CLEC11A: variants seen among roughly 807,000 people sequenced by gnomAD.
The protein encoded by CLEC11A is C-type lectin domain containing 11A, also known as C-type lectin domain family 11 member A.
In CLEC11A, 35 loss-of-function variants were observed where a neutral mutation model predicts 33.9. The observed-to-expected ratio is 1.03, with a 90% confidence interval of 0.79 to 1.37. CLEC11A has a LOEUF of 1.37. Ranked by LOEUF, CLEC11A falls within the 40% of genes most tolerant of loss-of-function variation. The probability of loss-of-function intolerance (pLI) is 0.00; values close to 1 mark genes in which losing one functional copy is unlikely to be tolerated. For synonymous variants in CLEC11A, 220 were observed against 202.2 expected (o/e 1.09, Z -0.75); for missense variants, 519 against 455.5 (o/e 1.14, Z -1.27).
Position 50,725,673 on chromosome 19 carries a change from C to A in CLEC11A, c.*206C>A. 1.1e-6 allele frequency: 1 copy of A among 922,468 alleles called. No homozygotes were observed. The highest frequency in any genetic ancestry group is 1.6e-6 in the Non-Finnish European group (1 of 636,048). 57.1% of individuals were successfully genotyped at this position (922,468 alleles called of 1,614,324 possible). On this transcript the variant is annotated 3_prime_UTR_variant, in exon 4 of 4. Transcript: ENST00000250340. Reference sequence around the variant, plus strand: ...TTTCCTTGAAGGGGCGGGCACCAGGCTAGGTCCGGTGCCAATAAATCCTTG... The same window carrying A: ...TTTCCTTGAAGGGGCGGGCACCAGGATAGGTCCGGTGCCAATAAATCCTTG...
rs1346138610 is a variant in CLEC11A at position 50,723,663 on chromosome 19, G to C, written c.138G>C (p.Leu46=). Residue 46 remains leucine (L), a synonymous_variant, in exon 1 of 4, where the codon CTG becomes CTC. Coordinates refer to ENST00000250340, the MANE Select transcript of CLEC11A (RefSeq NM_002975.3). The surrounding 1 kb of genome is among the most constrained non-coding windows in gnomAD (Gnocchi z 4.1). Reference sequence around the variant, plus strand: ...AGGAGGAGCGGGAGAGGGAGGCCCTGATGCTGAAGGTGAGCTCTGGAGTGT... The same window carrying C: ...AGGAGGAGCGGGAGAGGGAGGCCCTCATGCTGAAGGTGAGCTCTGGAGTGT... The part of the protein sequence containing the change: ...AQEEEREREA[L]MLKHLQEALG... 1 of 1,585,974 alleles carries C rather than the reference G, an allele frequency of 6.3e-7. No homozygotes were observed. Among genetic ancestry groups the C allele is most frequent in the African/African-American group, 1.3e-5 (1 of 74,274 alleles).
In CLEC11A at chr19:50,725,584, G is replaced by A. The variant is rs867985371; in HGVS notation, c.*117G>A. On this transcript the variant is annotated 3_prime_UTR_variant, in exon 4 of 4. Transcript: ENST00000250340. ...GGCCACGAATGGCAGCGTCCTCCCC[G>A]ACCCCCAGTCTGGGCGCTTCTGGGA... 2.9e-5 allele frequency: 42 copies of A among 1,443,524 alleles called. No individual in the cohort carries two copies. The Middle Eastern group carries it at 5.5e-4, about 19-fold the overall frequency. 89.4% of individuals were successfully genotyped at this position (1,443,524 alleles called of 1,614,324 possible).
chr19:50,723,406 GGGAA>G lies in CLEC11A; in HGVS notation c.-119_-116del. 2 of 985,048 alleles carry G rather than the reference GGGAA, an allele frequency of 2.0e-6. No homozygotes were observed. Among genetic ancestry groups the G allele is most frequent in the Admixed American group, 2.0e-5 (1 of 48,902 alleles). The allele number at this position is 985,048 out of a possible 1,614,324, so 61.0% of individuals were successfully genotyped here. The stretch of plus-strand genomic sequence containing the variant: ...CAGGAAGAGAGAAGCTGGGAGAATC[GGGAA>G]CCTGGGGGCTAGTGACCTGCACACA... On this transcript the variant is annotated 5_prime_UTR_variant, in exon 1 of 4. Coordinates refer to ENST00000250340, the MANE Select transcript of CLEC11A (RefSeq NM_002975.3). This position sits in a 1 kb window ranked among gnomAD's most constrained non-coding sequence, Gnocchi z 4.1.
Position 50,723,565 on chromosome 19 carries a change from C to G in CLEC11A, c.40C>G (p.Gln14Glu), listed in dbSNP as rs370035526. The G allele has an allele frequency of 1.8e-5, 29 of 1,612,342 alleles. 1 individual carries two copies. In the South Asian group the frequency reaches 3.1e-4, roughly 17 times the overall value. The change falls in exon 1 of 4, where the codon CAG becomes GAG. Residue 14 changes from glutamine (Q) to glutamate (E), a missense_variant. Physicochemically the swap from Gln to Glu is conservative, Grantham distance 29. Coordinates refer to ENST00000250340, the MANE Select transcript of CLEC11A (RefSeq NM_002975.3). The surrounding 1 kb of genome is among the most constrained non-coding windows in gnomAD (Gnocchi z 4.1). Reference sequence around the variant, plus strand: ...GCTTTTGGGGGCTTTGGTGGTCCCCCAGCTCTTGGGCTTTGGCCATGGGGC... The same window carrying G: ...GCTTTTGGGGGCTTTGGTGGTCCCCGAGCTCTTGGGCTTTGGCCATGGGGC... ...AWLLGALVVP[Q>E]LLGFGHGARG...
rs764470824 is a variant in CLEC11A, at chr19:50,725,125, C to T, written c.630C>T (p.Ser210=). 1.4e-5 allele frequency: 22 copies of T among 1,543,968 alleles called. No individual in the cohort carries two copies. Among genetic ancestry groups the T allele is most frequent in the Non-Finnish European group, 1.8e-5 (21 of 1,145,750 alleles). ...CGCGGTGCACGGCGCGGGGCGGGAG[C>T]CTGGCGCAGCCGGCAGACCGCCAGC... ...AQARCTARGG[S]LAQPADRQQM... Residue 210 remains serine, a synonymous_variant, in exon 4 of 4, where the codon AGC becomes AGT. Transcript: ENST00000250340.
At position 50,724,687 on chromosome 19, in the gene CLEC11A, G is replaced by A. The variant is rs1325363811; in HGVS notation, c.526+86G>A. 6 of 1,307,454 alleles carry A rather than the reference G, an allele frequency of 4.6e-6. No individual in the cohort carries two copies. Among genetic ancestry groups the A allele is most frequent in the East Asian group, 2.9e-5 (1 of 34,098 alleles). 81.0% of individuals were successfully genotyped at this position (1,307,454 alleles called of 1,614,324 possible). A position where few individuals can be genotyped will look rare whatever the true frequency, so the allele number is the denominator to read the frequency against. On this transcript the variant is annotated intron_variant, in intron 3 of 3. Transcript: ENST00000250340. The surrounding 1 kb of genome is among the most constrained non-coding windows in gnomAD (Gnocchi z 4.1). ...GTTGAGAAGGTGACCCTAGGTGTCC[G>A]GGGCGGGAGAGTTCGGGAGAGCTGC...
chr19:50,725,615 C>T lies in CLEC11A; in HGVS notation c.*148C>T, dbSNP rs1268008927. ...CAGTCTGGGCGCTTCTGGGAGGGCTCTTGCGGTGCCGGCACTCCTCCTTGT... is the reference window on the plus strand; with the variant it reads ...CAGTCTGGGCGCTTCTGGGAGGGCTTTTGCGGTGCCGGCACTCCTCCTTGT... On this transcript the variant is annotated 3_prime_UTR_variant, in exon 4 of 4. Transcript: ENST00000250340. 19 of 1,367,076 alleles carry T rather than the reference C, an allele frequency of 1.4e-5. No homozygotes were observed. The highest frequency in any genetic ancestry group is 1.7e-5 in the Non-Finnish European group (18 of 1,032,178). 84.7% of individuals were successfully genotyped at this position (1,367,076 alleles called of 1,614,324 possible).
chr19:50,725,516 C>A lies in CLEC11A; in HGVS notation c.*49C>A. ...GCCCATCCCACCACCCGGCCTTTCC[C>A]TGCGCCGTGCCCACCCTCCTCCGGA... On this transcript the variant is annotated 3_prime_UTR_variant, in exon 4 of 4. Coordinates refer to ENST00000250340, the MANE Select transcript of CLEC11A (RefSeq NM_002975.3). The A allele has an allele frequency of 6.7e-7, 1 of 1,492,712 alleles. No individual in the cohort carries two copies. The highest frequency in any genetic ancestry group is 9.0e-7 in the Non-Finnish European group (1 of 1,116,820). 92.5% of individuals were successfully genotyped at this position (1,492,712 alleles called of 1,614,324 possible).
rs114190815 is a variant in CLEC11A at position 50,724,720 on chromosome 19, T to C, written c.526+119T>C. 170,536 of 1,209,060 alleles carry C rather than the reference T, an allele frequency of 0.14. 13,341 individuals are homozygous for C. Among genetic ancestry groups the C allele is most frequent in the Middle Eastern group, 0.17 (602 of 3,442 alleles). The allele number at this position is 1,209,060 out of a possible 1,614,324, so 74.9% of individuals were successfully genotyped here. A position where few individuals can be genotyped will look rare whatever the true frequency, so the allele number is the denominator to read the frequency against. On this transcript the variant is annotated intron_variant, in intron 3 of 3. Coordinates refer to ENST00000250340, the MANE Select transcript of CLEC11A (RefSeq NM_002975.3). This position sits in a 1 kb window ranked among gnomAD's most constrained non-coding sequence, Gnocchi z 4.1. ...AGAGTTCGGGAGAGCTGCTGTGTGC[T>C]AGCGGACGGGGTTAGAGAGCTGGGA...
chr19:50,725,198 A>G lies in CLEC11A; in HGVS notation c.703A>G (p.Asn235Asp), dbSNP rs1435484193. 6.3e-7 allele frequency: 1 copy of G among 1,591,912 alleles called. No homozygotes were observed. Among genetic ancestry groups the G allele is most frequent in the Non-Finnish European group, 8.5e-7 (1 of 1,170,318 alleles). ...RYLRAALAPY[N>D]WPVWLGVHDR... Reference sequence around the variant, plus strand: ...CCTGCGCGCGGCGCTCGCTCCCTACAACTGGCCCGTGTGGCTGGGCGTGCA... The same window carrying G: ...CCTGCGCGCGGCGCTCGCTCCCTACGACTGGCCCGTGTGGCTGGGCGTGCA... Residue 235 changes from asparagine to aspartate, a missense_variant, in exon 4 of 4, where the codon AAC (asparagine) becomes GAC (aspartate). Asn to Asp is a conservative substitution (Grantham distance 23). Transcript: ENST00000250340.
In CLEC11A at chr19:50,723,461, G is replaced by T; in HGVS notation, c.-65G>T. 1 of 1,592,504 alleles carries T rather than the reference G, an allele frequency of 6.3e-7. No individual in the cohort carries two copies. ...GGGCAGGGGCACTCGGCAGTTCCCA[G>T]AGGCCACCCCTCCCACCCCAGACAT... On this transcript the variant is annotated 5_prime_UTR_variant, in exon 1 of 4. Transcript: ENST00000250340. This position sits in a 1 kb window ranked among gnomAD's most constrained non-coding sequence, Gnocchi z 4.1.
At position 50,725,219 on chromosome 19, in the gene CLEC11A, G is replaced by A. The variant is rs2089177145; in HGVS notation, c.724G>A (p.Val242Met). ...CTACAACTGGCCCGTGTGGCTGGGC[G>A]TGCACGATCGGCGCGCCGAGGGCCT... Reference protein sequence around the residue: ...APYNWPVWLGVHDRRAEGLYL... With the variant: ...APYNWPVWLGMHDRRAEGLYL... Residue 242 changes from valine (V) to methionine (M), a missense_variant, in exon 4 of 4, where the codon GTG (valine) becomes ATG (methionine). By Grantham distance (21) the Val-to-Met change is conservative. Transcript: ENST00000250340. 2 of 1,596,972 alleles carry A rather than the reference G, an allele frequency of 1.3e-6. No individual in the cohort carries two copies. Among genetic ancestry groups the A allele is most frequent in the South Asian group, 1.1e-5 (1 of 88,776 alleles).
rs1453097926 is a variant in CLEC11A, at chr19:50,725,254, C to A, written c.759C>A (p.Phe253Leu). ...HDRRAEGLYL[F>L]ENGQRVSFFA... ...GGCGCGCCGAGGGCCTCTACCTCTTCGAAAACGGCCAGCGCGTGTCCTTCT... is the reference window on the plus strand; with the variant it reads ...GGCGCGCCGAGGGCCTCTACCTCTTAGAAAACGGCCAGCGCGTGTCCTTCT... Residue 253 changes from phenylalanine to leucine, a missense_variant, in exon 4 of 4, where the codon TTC becomes TTA. Phe to Leu is a conservative substitution (Grantham distance 22, BLOSUM62 0). Transcript: ENST00000250340. 1 of 1,610,326 alleles carries A rather than the reference C, an allele frequency of 6.2e-7. No homozygotes were observed. The highest frequency in any genetic ancestry group is 1.7e-5 in the Admixed American group (1 of 59,796).
At position 50,724,862 on chromosome 19, in the gene CLEC11A, C is replaced by T. The variant is rs1315468444; in HGVS notation, c.527-160C>T. ...GGCCCCGCCCCTGGCGGACCAGACTCTCCACCTCCTGGCTCCCGCGGTTCT... is the reference window on the plus strand; with the variant it reads ...GGCCCCGCCCCTGGCGGACCAGACTTTCCACCTCCTGGCTCCCGCGGTTCT... On this transcript the variant is annotated intron_variant, in intron 3 of 3. Transcript: ENST00000250340. This position sits in a 1 kb window ranked among gnomAD's most constrained non-coding sequence, Gnocchi z 4.1. 1 of 1,403,676 alleles carries T rather than the reference C, an allele frequency of 7.1e-7. No individual in the cohort carries two copies. 87.0% of individuals were successfully genotyped at this position (1,403,676 alleles called of 1,614,324 possible).
chr19:50,724,140 A>T lies in CLEC11A; in HGVS notation c.334+49A>T. 1 of 1,602,406 alleles carries T rather than the reference A, an allele frequency of 6.2e-7. No homozygotes were observed. The highest frequency in any genetic ancestry group is 8.5e-7 in the Non-Finnish European group (1 of 1,176,684). ...CCCAAACTCCTAGGCCGCCGCGGTC[A>T]CTTTCGCAAAAATGAAGGGTCGGTT... On this transcript the variant is annotated intron_variant, in intron 2 of 3. Transcript: ENST00000250340. This position sits in a 1 kb window ranked among gnomAD's most constrained non-coding sequence, Gnocchi z 4.1.
In CLEC11A at chr19:50,725,162, C is replaced by T. The variant is rs555157998; in HGVS notation, c.667C>T (p.Leu223Phe). The change falls in exon 4 of 4, where the codon CTC (leucine) becomes TTC (phenylalanine). Residue 223 changes from leucine to phenylalanine, a missense_variant. By Grantham distance (22) the Leu-to-Phe change is conservative. Coordinates refer to ENST00000250340, the MANE Select transcript of CLEC11A (RefSeq NM_002975.3). ...GGCAGACCGCCAGCAGATGGAGGCG[C>T]TCACTCGGTACCTGCGCGCGGCGCT... The part of the protein sequence containing the change: ...QPADRQQMEA[L>F]TRYLRAALAP... The T allele has an allele frequency of 6.4e-7, 1 of 1,570,046 alleles. No homozygotes were observed. The highest frequency in any genetic ancestry group is 2.4e-5 in the East Asian group (1 of 42,192).
chr19:50,723,593 G>A lies in CLEC11A; in HGVS notation c.68G>A (p.Arg23Gln), dbSNP rs766686099. The change falls in exon 1 of 4, where the codon CGG (arginine) becomes CAG (glutamine). Residue 23 changes from arginine to glutamine, a missense_variant. Transcript: ENST00000250340. This position sits in a 1 kb window ranked among gnomAD's most constrained non-coding sequence, Gnocchi z 4.1. ...PQLLGFGHGA[R>Q]GAEREWEGGW... ...CTCTTGGGCTTTGGCCATGGGGCTCGGGGAGCAGAGAGGGAGTGGGAGGGA... is the reference window on the plus strand; with the variant it reads ...CTCTTGGGCTTTGGCCATGGGGCTCAGGGAGCAGAGAGGGAGTGGGAGGGA... The A allele has an allele frequency of 8.7e-6, 14 of 1,611,820 alleles. No individual in the cohort carries two copies. Among genetic ancestry groups the A allele is most frequent in the South Asian group, 4.4e-5 (4 of 90,950 alleles).
Position 50,724,346 on chromosome 19 carries a change from G to T in CLEC11A, c.335-64G>T. The T allele has an allele frequency of 2.4e-6, 3 of 1,246,796 alleles. No individual in the cohort carries two copies. Among genetic ancestry groups the T allele is most frequent in the Non-Finnish European group, 2.1e-6 (2 of 949,174 alleles). The allele number at this position is 1,246,796 out of a possible 1,614,324, so 77.2% of individuals were successfully genotyped here. A position where few individuals can be genotyped will look rare whatever the true frequency, so the allele number is the denominator to read the frequency against. On this transcript the variant is annotated intron_variant, in intron 2 of 3. Coordinates refer to ENST00000250340, the MANE Select transcript of CLEC11A (RefSeq NM_002975.3). This position sits in a 1 kb window ranked among gnomAD's most constrained non-coding sequence, Gnocchi z 4.1. ...AGGAGCCCTAGATCCCAGTTCTCCA[G>T]GTCCTCAGGCCCCCCGCTGCATCTC... is the stretch of plus-strand genomic sequence containing the variant.
rs774420391 is a variant in CLEC11A, at chr19:50,723,601, G to A, written c.76G>A (p.Glu26Lys). ...LGFGHGARGA[E>K]REWEGGWGGA... ...CTTTGGCCATGGGGCTCGGGGAGCA[G>A]AGAGGGAGTGGGAGGGAGGCTGGGG... Residue 26 changes from glutamate to lysine, a missense_variant, in exon 1 of 4, where the codon GAG becomes AAG. Physicochemically the swap from Glu to Lys is moderately conservative, Grantham distance 56. Transcript: ENST00000250340. This position sits in a 1 kb window ranked among gnomAD's most constrained non-coding sequence, Gnocchi z 4.1. 1.2e-6 allele frequency: 2 copies of A among 1,611,624 alleles called. No homozygotes were observed. The highest frequency in any genetic ancestry group is 4.5e-5 in the East Asian group (2 of 44,876).
Sources: gnomAD v4.1 joint callset for allele counts on GRCh38, gnomAD v4.1.1 for gene constraint, Gnocchi (gnomAD v3.1) non-coding constraint, MANE v1.5 for transcripts, NCBI Gene and HGNC (gene_info 2026-07-23, HGNC 2026-07-21) for gene names.